PXDC1: variants seen among roughly 807,000 people sequenced by gnomAD.
The protein encoded by PXDC1 is PX domain-containing protein 1.
In PXDC1, 13 loss-of-function variants were observed where a neutral mutation model predicts 24.4. The observed-to-expected ratio is 0.53, with a 90% confidence interval of 0.35 to 0.85. The LOEUF is 0.85. PXDC1 is among the 40% of genes least tolerant of loss of function. PXDC1 has a pLI of 0.01. For missense variants in PXDC1, 344 were observed against 309.3 expected (o/e 1.11, Z -0.84); for synonymous variants, 162 against 124.9 (o/e 1.30, Z -1.98).
intron 3 of PXDC1, among the ~76,000 whole-genome samples, chr6:3,730,129 G>A (rs145417044): frequency 5.2e-4 from 79 of 152,290 alleles, no homozygotes; most frequent in African/African-American, 1.8e-3. Flanking sequence ...GGACCTTGCT[G>A]TCTCAGGCCC....
intron 4 of PXDC1, among the ~76,000 whole-genome samples, chr6:3,726,402 G>A (rs1380402454): frequency 6.6e-6 from 1 of 152,256 alleles, no homozygotes; most frequent in Non-Finnish European, 1.5e-5. Context: ...CAGGAAAGCT[G>A]CGGCCTTGGC....
At chr6:3,732,639 C>T (rs1015388797) in intron 3 of PXDC1, among the ~76,000 whole-genome samples, 1 of 152,254 alleles carries the variant, frequency 6.6e-6, no homozygotes, top group African/African-American at 2.4e-5. Flanking sequence ...GTTGGAAGCA[C>T]TGCCAAGGGA....
chr6:3,735,487 G>A (rs1418010511), intron 3 of PXDC1, among the ~76,000 whole-genome samples: 6 of 152,236 alleles, frequency 3.9e-5, no homozygotes, highest in Admixed American at 1.3e-4. Context: ...CAGGCATTAC[G>A]TTAAGTGAAA....
In PXDC1 at chr6:3,737,658, G is replaced by C; in HGVS notation, c.348+399C>G. ...CGGTCAAATCCGGGCAACGTGCCCC[G>C]CTGTGCTGACGCCAACGTTCTTCTT... On this transcript the variant is annotated intron_variant, in intron 2 of 4. Transcript: ENST00000380283. The surrounding 1 kb of genome is among the most constrained non-coding windows in gnomAD (Gnocchi z 5.5). The C allele has an allele frequency of 1.0e-6, 1 of 985,398 alleles. No homozygotes were observed. Among genetic ancestry groups the C allele is most frequent in the Non-Finnish European group, 1.2e-6 (1 of 829,894 alleles). 61.0% of individuals were successfully genotyped at this position (985,398 alleles called of 1,614,324 possible). A position where few individuals can be genotyped will look rare whatever the true frequency, so the allele number is the denominator to read the frequency against.
At chr6:3,727,441 C>A in intron 4 of PXDC1, 110 bp downstream of exon 4, 1 of 681,346 alleles carries the variant, frequency 1.5e-6, no homozygotes, top group Non-Finnish European at 2.6e-6. Flanking sequence ...GTAGGAACTG[C>A]TGGGTGGCTC....
chr6:3,732,824 A>C (rs1231046280), intron 3 of PXDC1, among the ~76,000 whole-genome samples: 1 of 152,188 alleles, frequency 6.6e-6, no homozygotes, highest in Non-Finnish European at 1.5e-5. Context: ...GAGCAGAGAC[A>C]GTCAGTGCCT....
At chr6:3,744,642 G>A (rs1003080356) in intron 1 of PXDC1, among the ~76,000 whole-genome samples, 1 of 152,230 alleles carries the variant, frequency 6.6e-6, no homozygotes, top group African/African-American at 2.4e-5. Flanking sequence ...GGAGGCAACG[G>A]CTTCCCACGG....
Position 3,737,903 on chromosome 6 carries a change from G to A in PXDC1, c.348+154C>T, listed in dbSNP as rs758307751. On this transcript the variant is annotated intron_variant, in intron 2 of 4. Transcript: ENST00000380283. This position sits in a 1 kb window ranked among gnomAD's most constrained non-coding sequence, Gnocchi z 5.5. ...GATTACACCTGCACACCTCCACTCCGTCCCTATCGCCTGGTACTACCAGGG... is the reference window on the plus strand; with the variant it reads ...GATTACACCTGCACACCTCCACTCCATCCCTATCGCCTGGTACTACCAGGG... Among the ~76,000 whole-genome samples, 11 of 152,098 alleles carry A rather than the reference G, an allele frequency of 7.2e-5. No individual in the cohort carries two copies. Among genetic ancestry groups the A allele is most frequent in the East Asian group, 1.9e-4 (1 of 5,182 alleles).
At position 3,725,241 on chromosome 6, in the gene PXDC1, G is replaced by A. The variant is rs1169531832; in HGVS notation, c.579-1505C>T. Among the ~76,000 whole-genome samples, 3 of 152,148 alleles carry A rather than the reference G, an allele frequency of 2.0e-5. No individual in the cohort carries two copies. Among genetic ancestry groups the A allele is most frequent in the African/African-American group, 7.2e-5 (3 of 41,434 alleles). On this transcript the variant is annotated intron_variant, in intron 4 of 4. Coordinates refer to ENST00000380283, the MANE Select transcript of PXDC1 (RefSeq NM_183373.4). The surrounding 1 kb of genome is among the most constrained non-coding windows in gnomAD (Gnocchi z 4.8). Reference sequence around the variant, plus strand: ...GTCCCACCACCTGCCCGTCCTCCCTGCCCAGATCACAGGATGACCCTGAGG... The same window carrying A: ...GTCCCACCACCTGCCCGTCCTCCCTACCCAGATCACAGGATGACCCTGAGG...
At chr6:3,736,103 C>A (rs942722599) in intron 3 of PXDC1, among the ~76,000 whole-genome samples, 3 of 152,156 alleles carry the variant, frequency 2.0e-5, no homozygotes, top group Admixed American at 6.5e-5. Context: ...AGCAAGGCCA[C>A]GTTCACAGCC....
chr6:3,751,042 G>A (rs956192123), intron 1 of PXDC1: 107 of 460,264 alleles, frequency 2.3e-4, no homozygotes, highest in Middle Eastern at 1.6e-3. Context: ...CCCCTTTCCC[G>A]CCCCATTTGG....
rs1197087003 is a variant in PXDC1 at position 3,737,905 on chromosome 6, C to A, written c.348+152G>T. On this transcript the variant is annotated intron_variant, in intron 2 of 4. Coordinates refer to ENST00000380283, the MANE Select transcript of PXDC1 (RefSeq NM_183373.4). This position sits in a 1 kb window ranked among gnomAD's most constrained non-coding sequence, Gnocchi z 5.5. ...TTACACCTGCACACCTCCACTCCGTCCCTATCGCCTGGTACTACCAGGGAG... is the reference window on the plus strand; with the variant it reads ...TTACACCTGCACACCTCCACTCCGTACCTATCGCCTGGTACTACCAGGGAG... 8.3e-6 allele frequency: 6 copies of A among 720,582 alleles called. No homozygotes were observed. The highest frequency in any genetic ancestry group is 1.8e-5 in the African/African-American group (1 of 56,248). The allele number at this position is 720,582 out of a possible 1,614,324, so 44.6% of individuals were successfully genotyped here. A position where few individuals can be genotyped will look rare whatever the true frequency, so the allele number is the denominator to read the frequency against.
At chr6:3,750,075 C>T (rs1760666543) in intron 1 of PXDC1, among the ~76,000 whole-genome samples, 1 of 152,258 alleles carries the variant, frequency 6.6e-6, no homozygotes. Context: ...CGGGCCTTCT[C>T]GCTCAGGGCC....
In PXDC1 at chr6:3,723,011, C is replaced by T. The variant is rs1054045414; in HGVS notation, c.*608G>A. On this transcript the variant is annotated 3_prime_UTR_variant, in exon 5 of 5. Coordinates refer to ENST00000380283, the MANE Select transcript of PXDC1 (RefSeq NM_183373.4). ...TCCCTGCCCTGCAGCCAATACCCCC[C>T]ACTGTGCTGGGCCTTCTGCAAATAC... 3.9e-5 allele frequency: 6 copies of T among 152,212 alleles called. No homozygotes were observed. Among genetic ancestry groups the T allele is most frequent in the Admixed American group, 1.3e-4 (2 of 15,282 alleles). The allele number at this position is 152,212 out of a possible 1,614,324, so 9.4% of individuals were successfully genotyped here. A position where few individuals can be genotyped will look rare whatever the true frequency, so the allele number is the denominator to read the frequency against.
At position 3,723,795 on chromosome 6, in the gene PXDC1, C is replaced by A. The variant is rs576667126; in HGVS notation, c.579-59G>T. The A allele has an allele frequency of 2.0e-5, 27 of 1,322,546 alleles. No homozygotes were observed. The South Asian group carries it at 3.0e-4, about 15-fold the overall frequency. 81.9% of individuals were successfully genotyped at this position (1,322,546 alleles called of 1,614,324 possible). A position where few individuals can be genotyped will look rare whatever the true frequency, so the allele number is the denominator to read the frequency against. ...TCATTGTTGGGATCAACACCAAACA[C>A]CCGCCGGGACCATGAGCATGACTTT... On this transcript the variant is annotated intron_variant, in intron 4 of 4. Coordinates refer to ENST00000380283, the MANE Select transcript of PXDC1 (RefSeq NM_183373.4).
intron 4 of PXDC1, among the ~76,000 whole-genome samples, chr6:3,726,435 C>A (rs1303269401): frequency 6.6e-6 from 1 of 152,256 alleles, no homozygotes; most frequent in African/African-American, 2.4e-5. Context: ...GCCTCTGCCA[C>A]CAGCAGCTCA....
chr6:3,750,921 G>A (rs1048483550), intron 1 of PXDC1, among the ~76,000 whole-genome samples: 1 of 151,970 alleles, frequency 6.6e-6, no homozygotes, highest in African/African-American at 2.4e-5. Context: ...GTACCGGGCA[G>A]GGGGCTAGGG....
At chr6:3,723,838 T>A in intron 4 of PXDC1, 102 bp from the exon 5 acceptor site, 1 of 880,626 alleles carries the variant, frequency 1.1e-6, no homozygotes, top group Admixed American at 2.0e-5. Context: ...CGCTAGTAAG[T>A]GTGCAAAAAA....
Position 3,737,425 on chromosome 6 carries a change from G to A in PXDC1, c.349-229C>T, listed in dbSNP as rs1462572281. Among the ~76,000 whole-genome samples, 2 of 152,216 alleles carry A rather than the reference G, an allele frequency of 1.3e-5. No homozygotes were observed. Among genetic ancestry groups the A allele is most frequent in the Admixed American group, 1.3e-4 (2 of 15,288 alleles). On this transcript the variant is annotated intron_variant, in intron 2 of 4. Transcript: ENST00000380283. This position sits in a 1 kb window ranked among gnomAD's most constrained non-coding sequence, Gnocchi z 5.5. Reference sequence around the variant, plus strand: ...TGAAAGGCAAGGCCTCAGCGACCTGGGCAGTGGAGGGAATCATGGCTCTGA... The same window carrying A: ...TGAAAGGCAAGGCCTCAGCGACCTGAGCAGTGGAGGGAATCATGGCTCTGA...
Sources: allele counts gnomAD v4.1 joint callset (sites outside exome capture counted in the v4.1 genomes callset), GRCh38; gene constraint gnomAD v4.1.1; non-coding constraint Gnocchi (gnomAD v3.1); transcripts MANE v1.5; gene names NCBI Gene and HGNC (gene_info 2026-07-23, HGNC 2026-07-21).